The following AP3S2 variants were observed in gnomAD, a reference collection of about 807,000 sequenced individuals.
The protein encoded by AP3S2 is adaptor related protein complex 3 subunit sigma 2.
AP3S2 carries 22 observed loss-of-function variants against 23.4 expected under a neutral mutation model. The ratio of observed to expected loss-of-function variants is 0.94; its 90% confidence interval spans 0.67 to 1.34. AP3S2 has a LOEUF of 1.34. AP3S2 is among the 40% of genes most tolerant of loss of function. The probability of loss-of-function intolerance (pLI) is 0.00; values close to 1 mark genes in which losing one functional copy is unlikely to be tolerated. For missense variants in AP3S2, 241 were observed against 236.9 expected, an observed-to-expected ratio of 1.02 and a Z score of -0.11; for synonymous variants, 86 against 87.1, an observed-to-expected ratio of 0.99 and a Z score of 0.07.
At chr15:89,893,244 G>A (rs1216968977) in intron 1 of AP3S2, 1 of 152,998 alleles carries the variant, frequency 6.5e-6, no homozygotes, top group Non-Finnish European at 1.5e-5. Context: ...TTCGAAGACA[G>A]GAAGCAAATA....
Position 89,872,284 on chromosome 15 carries a change from C to T in AP3S2, c.274-738G>A, listed in dbSNP as rs115386542. 7.7e-3 allele frequency among the ~76,000 whole-genome samples: 1,177 copies of T among 152,168 alleles called. 15 individuals are homozygous for T. The highest frequency in any genetic ancestry group is 0.025 in the African/African-American group (1,053 of 41,504). ...ATTTCAGCCAAAATTAACTTCAAAA[C>T]ATCTTCCCTTTTTAATTTTTTTGGT... On this transcript the variant is annotated intron_variant, in intron 3 of 5. Coordinates refer to ENST00000336418, the MANE Select transcript of AP3S2 (RefSeq NM_005829.5).
intron 4 of AP3S2, among the ~76,000 whole-genome samples, chr15:89,859,845 G>C (rs1383839396): frequency 6.8e-6 from 1 of 147,054 alleles, no homozygotes; most frequent in Non-Finnish European, 1.5e-5. Context: ...CTCACTGCAA[G>C]CTCCGCCTCC....
At position 89,835,486 on chromosome 15, in the gene AP3S2, G is replaced by C; in HGVS notation, c.*29C>G. On this transcript the variant is annotated 3_prime_UTR_variant, in exon 6 of 6. Transcript: ENST00000336418. Reference sequence around the variant, plus strand: ...CCTTGCTTGTCTTTGCTTGTCTTAAGGACTCTATTTCAGGCCAATACTTGA... The same window carrying C: ...CCTTGCTTGTCTTTGCTTGTCTTAACGACTCTATTTCAGGCCAATACTTGA... 1 of 1,611,044 alleles carries C rather than the reference G, an allele frequency of 6.2e-7. No individual in the cohort carries two copies. Among genetic ancestry groups the C allele is most frequent in the Admixed American group, 1.7e-5 (1 of 59,638 alleles).
intron 3 of AP3S2, among the ~76,000 whole-genome samples, chr15:89,879,363 TG>T (rs1479243330): frequency 6.6e-6 from 1 of 152,192 alleles, no homozygotes; most frequent in Non-Finnish European, 1.5e-5. Flanking sequence ...ATCTGTACTA[TG>T]GGAATTAACA....
At chr15:89,857,767 A>T (rs1293910111) in intron 4 of AP3S2, among the ~76,000 whole-genome samples, 1 of 152,140 alleles carries the variant, frequency 6.6e-6, no homozygotes. Flanking sequence ...CCATGAAAAA[A>T]CCATGGTCAT....
intron 4 of AP3S2, among the ~76,000 whole-genome samples, chr15:89,866,317 A>G (rs1466437430): frequency 1.3e-5 from 2 of 150,964 alleles, no homozygotes; most frequent in Non-Finnish European, 2.9e-5. Flanking sequence ...TGCCTAGACA[A>G]TGAACTAGCT....
Position 89,834,474 on chromosome 15 carries a change from G to A in AP3S2, c.*1041C>T, listed in dbSNP as rs1895144200. ...TCCCTCTCCCTATTAGCAGAAATGT[G>A]TTGGGCATGAGCCAGGTTTATGATT... On this transcript the variant is annotated 3_prime_UTR_variant, in exon 6 of 6. Transcript: ENST00000336418. 6.6e-6 allele frequency: 1 copy of A among 152,258 alleles called. No individual in the cohort carries two copies. Among genetic ancestry groups the A allele is most frequent in the Non-Finnish European group, 1.5e-5 (1 of 68,086 alleles). The allele number at this position is 152,258 out of a possible 1,614,324, so 9.4% of individuals were successfully genotyped here.
intron 3 of AP3S2, among the ~76,000 whole-genome samples, chr15:89,878,093 GTTA>G (rs1222481988): frequency 7.9e-5 from 12 of 152,036 alleles, no homozygotes. Flanking sequence ...ACCTTGTACA[GTTA>G]TTTTCATCTT....
intron 1 of AP3S2, 85 bp downstream of exon 1, chr15:89,893,796 G>C (rs1896874223): frequency 7.3e-7 from 1 of 1,376,370 alleles, no homozygotes. Context: ...CCAAAGAGCG[G>C]TGCCCCCGGG....
intron 4 of AP3S2, among the ~76,000 whole-genome samples, chr15:89,841,964 C>T (rs1221764020): frequency 6.6e-6 from 1 of 151,426 alleles, no homozygotes; most frequent in Admixed American, 6.6e-5. Flanking sequence ...ATATTTTACA[C>T]AAAGAAAAAA....
intron 4 of AP3S2, among the ~76,000 whole-genome samples, chr15:89,859,291 TTTC>T (rs1394597236): frequency 6.6e-6 from 1 of 151,092 alleles, no homozygotes; most frequent in Non-Finnish European, 1.5e-5. Flanking sequence ...CCTTTTTTCT[TTTC>T]TTTTTCTTCC....
chr15:89,889,007 A>G, intron 2 of AP3S2, 42 bp downstream of exon 2: 1 of 1,608,598 alleles, frequency 6.2e-7, no homozygotes, highest in Non-Finnish European at 8.5e-7. Flanking sequence ...AAGGCCACTC[A>G]CAAGTGGATA....
At position 89,858,101 on chromosome 15, in the gene AP3S2, T is replaced by C. The variant is rs533542779; in HGVS notation, c.345+13374A>G. ...GCATTACCTAGCCTACCTTGATTGA[T>C]ACAAAAATCAAGCCTGGAAAAGGGT... On this transcript the variant is annotated intron_variant, in intron 4 of 5. Transcript: ENST00000336418. Among the ~76,000 whole-genome samples the C allele has an allele frequency of 8.5e-5, 13 of 152,146 alleles. No homozygotes were observed. The South Asian group carries it at 2.7e-3, about 32-fold the overall frequency.
intron 4 of AP3S2, among the ~76,000 whole-genome samples, chr15:89,868,173 C>A (rs1320402426): frequency 2.6e-4 from 16 of 61,944 alleles, no homozygotes; most frequent in Admixed American, 5.7e-4. Flanking sequence ...GTGGGGGGGT[C>A]AGCCCCCCGC....
intron 4 of AP3S2, among the ~76,000 whole-genome samples, chr15:89,847,227 T>G (rs1185585738): frequency 1.3e-5 from 2 of 148,812 alleles, no homozygotes; most frequent in Admixed American, 6.7e-5. Context: ...AAAAAAAAAG[T>G]TTAAAAACTA....
chr15:89,851,655 A>G (rs1895658414), intron 4 of AP3S2, among the ~76,000 whole-genome samples: 2 of 152,176 alleles, frequency 1.3e-5, no homozygotes, highest in Admixed American at 1.3e-4. Context: ...TTTTTAATTA[A>G]TAAAAGGATC....
rs5814404 is a variant in AP3S2 at position 89,835,701 on chromosome 15, TAAAAAAAAAAAA to T, written c.454-70_454-59del. The T allele has an allele frequency of 1.4e-5, 15 of 1,040,340 alleles. No individual in the cohort carries two copies. The Admixed American group carries it at 4.4e-4, about 30-fold the overall frequency. The allele number at this position is 1,040,340 out of a possible 1,614,324, so 64.4% of individuals were successfully genotyped here. ...ATTCTCACTGTTATCTGCTTAATGC[TAAAAAAAAAAAA>T]AAAAAAAAAGCAAAAACAAAAACAA... On this transcript the variant is annotated intron_variant, in intron 5 of 5. Coordinates refer to ENST00000336418, the MANE Select transcript of AP3S2 (RefSeq NM_005829.5).
intron 4 of AP3S2, among the ~76,000 whole-genome samples, chr15:89,860,854 G>C (rs1895995957): frequency 6.6e-6 from 1 of 152,176 alleles, no homozygotes. Flanking sequence ...TAGAGAAACA[G>C]AGGCAGCCAG....
At chr15:89,867,454 T>G (rs914193323) in intron 4 of AP3S2, among the ~76,000 whole-genome samples, 587 of 141,008 alleles carry the variant, frequency 4.2e-3, no homozygotes, top group African/African-American at 0.015. Flanking sequence ...AAGTGAGGAG[T>G]GTCTCTGCCT....
Sources: allele counts gnomAD v4.1 joint callset (sites outside exome capture counted in the v4.1 genomes callset), GRCh38; gene constraint gnomAD v4.1.1; transcripts MANE v1.5; gene names NCBI Gene and HGNC (gene_info 2026-07-23, HGNC 2026-07-21).